The following CSMD1 variants were observed in gnomAD, a reference collection of about 807,000 sequenced individuals.
The protein encoded by CSMD1 is CUB and Sushi multiple domains 1.
Under a neutral mutation model 417.5 loss-of-function variants are expected in CSMD1, and 213 were observed. That is an observed-to-expected ratio of 0.51 (90% confidence interval 0.46 to 0.57). CSMD1 has a LOEUF of 0.57. CSMD1 is among the 20% of genes least tolerant of loss of function. The probability of loss-of-function intolerance (pLI) is 0.00; values close to 1 mark genes in which losing one functional copy is unlikely to be tolerated. For synonymous variants in CSMD1, 2,862 were observed against 1,736.8 expected, an observed-to-expected ratio of 1.65 and a Z score of -16.11; for missense variants, 6,923 against 4,529.7, an observed-to-expected ratio of 1.53 and a Z score of -15.17.
chr8:4,095,219 C>G (rs977033918), intron 3 of CSMD1, among the ~76,000 whole-genome samples: 1 of 152,152 alleles, frequency 6.6e-6, no homozygotes, highest in African/African-American at 2.4e-5. Flanking sequence ...CGTACTGCCT[C>G]TCCTTAACTC....
chr8:3,869,916 C>G (rs1476071329), intron 5 of CSMD1, among the ~76,000 whole-genome samples: 1 of 151,756 alleles, frequency 6.6e-6, no homozygotes, highest in African/African-American at 2.4e-5. Context: ...GAAAAACTAG[C>G]CCTTTCCTTA....
chr8:3,572,812 A>C (rs1006967227), intron 10 of CSMD1, among the ~76,000 whole-genome samples: 1 of 152,134 alleles, frequency 6.6e-6, no homozygotes. Context: ...GTCAACACCT[A>C]ATATAGCCCC....
At chr8:3,131,517 G>A (rs1389563303) in intron 41 of CSMD1, among the ~76,000 whole-genome samples, 1 of 149,814 alleles carries the variant, frequency 6.7e-6, no homozygotes, top group Non-Finnish European at 1.5e-5. Context: ...TATTGCTCAG[G>A]CTAAAGTGCA....
chr8:3,524,424 GAC>G (rs1245478278), intron 10 of CSMD1, among the ~76,000 whole-genome samples: 1 of 139,376 alleles, frequency 7.2e-6, no homozygotes, highest in Non-Finnish European at 1.6e-5. Flanking sequence ...CACACAACCA[GAC>G]ACATCTGCAT....
chr8:3,892,635 T>G (rs1488921207), intron 5 of CSMD1, among the ~76,000 whole-genome samples: 3 of 151,870 alleles, frequency 2.0e-5, no homozygotes, highest in African/African-American at 7.2e-5. Flanking sequence ...GTCAGTACTG[T>G]TGCTTGGCAC....
At chr8:3,779,679 A>G (rs563413565) in intron 5 of CSMD1, among the ~76,000 whole-genome samples, 2 of 152,350 alleles carry the variant, frequency 1.3e-5, no homozygotes, top group South Asian at 4.1e-4. Flanking sequence ...TTTAAAATAT[A>G]GAAAACCAGA....
intron 3 of CSMD1, among the ~76,000 whole-genome samples, chr8:4,174,323 T>A (rs1797923024): frequency 6.6e-6 from 1 of 152,164 alleles, no homozygotes; most frequent in Non-Finnish European, 1.5e-5. Context: ...ATGACCTAGG[T>A]ATTATTCCCG....
At chr8:3,266,554 C>G (rs998617874) in intron 26 of CSMD1, among the ~76,000 whole-genome samples, 1 of 132,450 alleles carries the variant, frequency 7.6e-6, no homozygotes, top group African/African-American at 2.9e-5. Context: ...TGCAGTGAGC[C>G]GAGATCATGC....
chr8:4,641,845 T>G (rs970935010), intron 1 of CSMD1, among the ~76,000 whole-genome samples: 6 of 151,904 alleles, frequency 3.9e-5, no homozygotes, highest in African/African-American at 1.4e-4. Context: ...TCAATGCCCA[T>G]TGAAGGAAAA....
intron 2 of CSMD1, among the ~76,000 whole-genome samples, chr8:4,424,391 C>A (rs761512940): frequency 1.3e-5 from 2 of 151,780 alleles, no homozygotes; most frequent in African/African-American, 4.8e-5. Flanking sequence ...GCAGAAAAGT[C>A]AGGTGACCTA....
intron 1 of CSMD1, among the ~76,000 whole-genome samples, chr8:4,871,690 C>G (rs1321358757): frequency 6.6e-6 from 1 of 152,120 alleles, no homozygotes; most frequent in East Asian, 1.9e-4. Flanking sequence ...ATTAATGAAT[C>G]TAGCAAAAAT....
At chr8:2,992,767 G>A (rs1466455865) in intron 54 of CSMD1, among the ~76,000 whole-genome samples, 2 of 151,568 alleles carry the variant, frequency 1.3e-5, no homozygotes, top group African/African-American at 2.4e-5. Context: ...TTTTGAGATG[G>A]GGTCTTGCTC....
At chr8:4,572,097 G>C (rs1308975504) in intron 2 of CSMD1, among the ~76,000 whole-genome samples, 1 of 152,134 alleles carries the variant, frequency 6.6e-6, no homozygotes, top group East Asian at 1.9e-4. Flanking sequence ...CTTTTAATTG[G>C]GGCATTTAGC....
chr8:3,644,573 T>A (rs1438495317), intron 7 of CSMD1, among the ~76,000 whole-genome samples: 1 of 152,090 alleles, frequency 6.6e-6, no homozygotes, highest in Non-Finnish European at 1.5e-5. Context: ...AGATTGAATC[T>A]GAAGGATTGC....
intron 3 of CSMD1, among the ~76,000 whole-genome samples, chr8:4,310,234 A>G (rs1798485947): frequency 6.6e-6 from 1 of 152,204 alleles, no homozygotes; most frequent in Non-Finnish European, 1.5e-5. Context: ...ATTAGCAATT[A>G]ACTTATCACA....
At chr8:3,900,619 A>C (rs1807681649) in intron 5 of CSMD1, among the ~76,000 whole-genome samples, 1 of 149,600 alleles carries the variant, frequency 6.7e-6, no homozygotes, top group Non-Finnish European at 1.5e-5. Context: ...GGGTGACACT[A>C]AGTTGGGTAA....
intron 2 of CSMD1, among the ~76,000 whole-genome samples, chr8:4,527,136 G>A (rs147753547): frequency 1.3e-5 from 2 of 152,214 alleles, no homozygotes; most frequent in South Asian, 2.1e-4. Flanking sequence ...TATTTTTCAA[G>A]AAAGTTAAGT....
Position 4,031,927 on chromosome 8 carries a change from G to A in CSMD1, c.588C>T (p.Asp196=), listed in dbSNP as rs1274789160. ...IVSPGNGASW[D]FPAPFCRAEG... is the part of the protein sequence containing the mutation. ...TACCTCTGCAAAAGGGAGCTGGGAA[G>A]TCCCACGATGCACCATTTCCTGGGC... Residue 196 remains aspartate, a synonymous_variant, in exon 4 of 70, where the codon GAC becomes GAT. Transcript: ENST00000635120. 10 of 1,613,588 alleles carry A rather than the reference G, an allele frequency of 6.2e-6. No homozygotes were observed. Among genetic ancestry groups the A allele is most frequent in the African/African-American group, 2.7e-5 (2 of 74,896 alleles).
intron 1 of CSMD1, among the ~76,000 whole-genome samples, chr8:4,864,315 G>T (rs1012178681): frequency 6.6e-6 from 1 of 151,544 alleles, no homozygotes; most frequent in South Asian, 2.1e-4. Flanking sequence ...AAAAAAGGAT[G>T]ATGCCAAATT....
Sources: gnomAD v4.1 joint callset for allele counts (sites outside exome capture counted in the v4.1 genomes callset) on GRCh38, gnomAD v4.1.1 for gene constraint, MANE v1.5 for transcripts, NCBI Gene and HGNC (gene_info 2026-07-23, HGNC 2026-07-21) for gene names.